Variants in CYP39A1 observed in about 807,000 individuals in gnomAD.
The protein encoded by CYP39A1 is 24-hydroxycholesterol 7-alpha-hydroxylase.
A neutral mutation model predicts 58.1 loss-of-function variants in CYP39A1; 49 were observed. The observed-to-expected ratio is 0.84, with a 90% CI of 0.67 to 1.07. The LOEUF is 1.07. Ranked by LOEUF, CYP39A1 falls within the 50% of genes least tolerant of loss-of-function variation. The pLI is 0.00. For missense variants in CYP39A1, 531 were observed against 539.4 expected, an observed-to-expected ratio of 0.98 and a Z score of 0.16; for synonymous variants, 209 against 187.6, an observed-to-expected ratio of 1.11 and a Z score of -0.93.
intron 10 of CYP39A1, chr6:46,586,576 G>A: frequency 1.0e-6 from 1 of 985,962 alleles, no homozygotes; most frequent in East Asian, 1.1e-4. Context: ...TGAGGAGGAG[G>A]GCTGGGTGCC....
At chr6:46,566,561 C>T (rs34294063) in intron 10 of CYP39A1, among the ~76,000 whole-genome samples, 12,237 of 152,076 alleles carry the variant, frequency 0.08, 838 homozygotes, top group Admixed American at 0.18. Flanking sequence ...TCAATTATAT[C>T]CACCTGGTCT....
At chr6:46,569,372 T>C (rs1771463635) in intron 10 of CYP39A1, among the ~76,000 whole-genome samples, 1 of 152,134 alleles carries the variant, frequency 6.6e-6, no homozygotes, top group Non-Finnish European at 1.5e-5. Flanking sequence ...ATTTCTTTTT[T>C]TGCCTAATTG....
chr6:46,606,575 C>T (rs1773858248), intron 7 of CYP39A1, among the ~76,000 whole-genome samples: 1 of 152,112 alleles, frequency 6.6e-6, no homozygotes, highest in Admixed American at 6.5e-5. Flanking sequence ...GGGACCAGTA[C>T]AGATGACAGA....
intron 7 of CYP39A1, among the ~76,000 whole-genome samples, chr6:46,623,865 T>C (rs951863052): frequency 3.3e-5 from 5 of 152,196 alleles, no homozygotes; most frequent in African/African-American, 9.6e-5. Flanking sequence ...TGTATAAGTA[T>C]GGTTAAAAAA....
chr6:46,598,975 C>T (rs1773332454), intron 7 of CYP39A1, among the ~76,000 whole-genome samples: 1 of 152,142 alleles, frequency 6.6e-6, no homozygotes, highest in Non-Finnish European at 1.5e-5. Context: ...AGAAACCACA[C>T]CTTCCTATCT....
At chr6:46,619,743 T>G (rs1375154820) in intron 7 of CYP39A1, among the ~76,000 whole-genome samples, 1 of 152,108 alleles carries the variant, frequency 6.6e-6, no homozygotes, top group Non-Finnish European at 1.5e-5. Flanking sequence ...CTGTCTTCAA[T>G]TTTTATAAAA....
At chr6:46,565,736 G>A (rs1349267661) in intron 10 of CYP39A1, among the ~76,000 whole-genome samples, 1 of 152,098 alleles carries the variant, frequency 6.6e-6, no homozygotes, top group Non-Finnish European at 1.5e-5. Flanking sequence ...CCACATTGCA[G>A]GATCCAGGAT....
At chr6:46,634,829 G>T (rs1421336056) in intron 5 of CYP39A1, among the ~76,000 whole-genome samples, 4 of 152,046 alleles carry the variant, frequency 2.6e-5, no homozygotes, top group Admixed American at 2.6e-4. Flanking sequence ...GCCTTAGCAG[G>T]GAATTTTAAC....
intron 10 of CYP39A1, among the ~76,000 whole-genome samples, chr6:46,561,967 T>G (rs1329278722): frequency 6.6e-6 from 1 of 152,138 alleles, no homozygotes; most frequent in African/African-American, 2.4e-5. Flanking sequence ...ATATACTGAT[T>G]GTATATCATG....
chr6:46,584,552 A>C (rs545454538), intron 10 of CYP39A1, among the ~76,000 whole-genome samples: 1 of 152,294 alleles, frequency 6.6e-6, no homozygotes, highest in East Asian at 1.9e-4. Context: ...AACCTAAGTC[A>C]TGCTTCACAT....
intron 7 of CYP39A1, among the ~76,000 whole-genome samples, chr6:46,617,803 G>A (rs1181087184): frequency 6.6e-6 from 1 of 152,096 alleles, no homozygotes; most frequent in Admixed American, 6.6e-5. Context: ...AGCCAACAAG[G>A]AAAGCACTTA....
chr6:46,555,318 C>A (rs1340892300), intron 10 of CYP39A1, among the ~76,000 whole-genome samples: 1 of 152,216 alleles, frequency 6.6e-6, no homozygotes, highest in Non-Finnish European at 1.5e-5. Context: ...CCTTCCTCTC[C>A]ACCACATGGT....
At chr6:46,594,488 A>G (rs1436586167) in intron 8 of CYP39A1, among the ~76,000 whole-genome samples, 1 of 152,100 alleles carries the variant, frequency 6.6e-6, no homozygotes, top group African/African-American at 2.4e-5. Context: ...CAGAATAGAC[A>G]GCCCCAGAAT....
chr6:46,634,038 AC>A (rs1237700531), intron 5 of CYP39A1, among the ~76,000 whole-genome samples: 1 of 152,204 alleles, frequency 6.6e-6, no homozygotes, highest in African/African-American at 2.4e-5. Flanking sequence ...CAGAATTCAA[AC>A]TTTGTTTTTA....
intron 10 of CYP39A1, 106 bp downstream of exon 10, chr6:46,586,971 A>G: frequency 1.4e-6 from 1 of 732,122 alleles, no homozygotes; most frequent in Non-Finnish European, 2.3e-6. Flanking sequence ...GGATTTCCCT[A>G]TAGTTTAAAT....
chr6:46,639,736 T>A, intron 2 of CYP39A1, 68 bp from the exon 3 acceptor site: 2 of 1,356,016 alleles, frequency 1.5e-6, no homozygotes. Flanking sequence ...AATATATATC[T>A]ACTATTATTT....
chr6:46,634,523 G>GTTTTTTTT (rs530045412), intron 5 of CYP39A1, among the ~76,000 whole-genome samples: 1 of 131,022 alleles, frequency 7.6e-6, no homozygotes, highest in African/African-American at 2.8e-5. Flanking sequence ...TTTTCTTTTT[G>GTTTTTTTT]CTTTTTTTTT....
chr6:46,650,233 A>C (rs1762591831), intron 1 of CYP39A1, among the ~76,000 whole-genome samples: 1 of 152,046 alleles, frequency 6.6e-6, no homozygotes, highest in Admixed American at 6.6e-5. Flanking sequence ...TCTCAAGCTG[A>C]TCTGAAAATG....
At chr6:46,634,942 G>T (rs1775886283) in intron 5 of CYP39A1, among the ~76,000 whole-genome samples, 1 of 152,162 alleles carries the variant, frequency 6.6e-6, no homozygotes, top group Non-Finnish European at 1.5e-5. Context: ...GGAAAATAAT[G>T]CAAAGAACAT....
Sources: gnomAD v4.1 joint callset for allele counts (sites outside exome capture counted in the v4.1 genomes callset) on GRCh38, gnomAD v4.1.1 for gene constraint, MANE v1.5 for transcripts, NCBI Gene and HGNC (gene_info 2026-07-23, HGNC 2026-07-21) for gene names.